Variants in FHIT observed in about 807,000 individuals in gnomAD.
The protein encoded by FHIT is bis(5'-adenosyl)-triphosphatase.
In FHIT, 19 loss-of-function variants were observed where a neutral mutation model predicts 17.9. That is an observed-to-expected ratio of 1.06 (90% CI 0.74 to 1.56). The LOEUF (loss-of-function observed/expected upper bound fraction) is 1.56. Among genes scored for constraint, FHIT ranks in the 40% most tolerant of loss-of-function variants. The pLI is 0.00. For missense variants in FHIT, 248 were observed against 189.2 expected, an observed-to-expected ratio of 1.31 and a Z score of -1.82; for synonymous variants, 81 against 69.7, an observed-to-expected ratio of 1.16 and a Z score of -0.81.
At position 59,959,481 on chromosome 3, in the gene FHIT, C is replaced by G. The variant is rs550144861; in HGVS notation, c.280-37067G>C. 1.4e-4 allele frequency among the ~76,000 whole-genome samples: 22 copies of G among 152,300 alleles called. No homozygotes were observed. The East Asian group carries it at 4.2e-3, about 29-fold the overall frequency. ...TGTTCTTAATGATTTAGGATACCAGCTCACAACTCAAAGCATGAAGCATGT... is the reference window on the plus strand; with the variant it reads ...TGTTCTTAATGATTTAGGATACCAGGTCACAACTCAAAGCATGAAGCATGT... On this transcript the variant is annotated intron_variant, in intron 7 of 9. Coordinates refer to ENST00000492590, the MANE Select transcript of FHIT (RefSeq NM_002012.4).
chr3:60,627,771 C>A (rs2039331549), intron 4 of FHIT, among the ~76,000 whole-genome samples: 1 of 152,232 alleles, frequency 6.6e-6, no homozygotes, highest in Non-Finnish European at 1.5e-5. Context: ...ATCCGCCCAC[C>A]TCAGCCTCCC....
chr3:60,641,492 A>G (rs191092410), intron 4 of FHIT, among the ~76,000 whole-genome samples: 98 of 152,296 alleles, frequency 6.4e-4, no homozygotes, highest in African/African-American at 2.2e-3. Context: ...TTGCATGGCA[A>G]GAATTTTCTC....
intron 8 of FHIT, among the ~76,000 whole-genome samples, chr3:59,913,649 T>C (rs1307600905): frequency 1.3e-5 from 2 of 152,312 alleles, no homozygotes; most frequent in Non-Finnish European, 2.9e-5. Context: ...AATTGTATTA[T>C]ATTATTATTT....
At chr3:61,101,156 A>G (rs1009495183) in intron 2 of FHIT, among the ~76,000 whole-genome samples, 3 of 152,216 alleles carry the variant, frequency 2.0e-5, no homozygotes, top group African/African-American at 7.2e-5. Context: ...CCTGAATACT[A>G]TCGCCTAGGT....
intron 5 of FHIT, among the ~76,000 whole-genome samples, chr3:60,406,397 C>G (rs199589063): frequency 6.6e-6 from 1 of 152,290 alleles, no homozygotes; most frequent in East Asian, 1.9e-4. Context: ...TACAATCAAA[C>G]AAGGCGTGGC....
intron 4 of FHIT, among the ~76,000 whole-genome samples, chr3:60,580,036 TGTTTTTC>T (rs2037702329): frequency 1.3e-5 from 2 of 152,138 alleles, no homozygotes; most frequent in African/African-American, 4.8e-5. Flanking sequence ...ACTAGGATGG[TGTTTTTC>T]ATGTCTGCAC....
At chr3:60,167,273 A>G (rs1031392743) in intron 5 of FHIT, among the ~76,000 whole-genome samples, 9 of 152,242 alleles carry the variant, frequency 5.9e-5, no homozygotes, top group Non-Finnish European at 1.2e-4. Context: ...CTGGAACAAT[A>G]GAAGTATGAT....
rs1235185486 is a variant in FHIT, at chr3:60,569,740, TATATATATATATATA to T, written c.-17-32776_-17-32762del. On this transcript the variant is annotated intron_variant, in intron 4 of 9. Coordinates refer to ENST00000492590, the MANE Select transcript of FHIT (RefSeq NM_002012.4). ...TTTATTAATACTATATATATATATA[TATATATATATATATA>T]TTTTTTTTTTTTTTAGACAGAGTTT... 9.8e-4 allele frequency among the ~76,000 whole-genome samples: 82 copies of T among 83,474 alleles called. 1 individual carries two copies. Among genetic ancestry groups the T allele is most frequent in the Non-Finnish European group, 1.5e-3 (68 of 44,622 alleles). The allele number at this position is 83,474 out of a possible 152,430, so 54.8% of individuals were successfully genotyped here.
intron 3 of FHIT, among the ~76,000 whole-genome samples, chr3:61,027,301 G>C (rs1575863783): frequency 6.6e-6 from 1 of 152,116 alleles, no homozygotes; most frequent in South Asian, 2.1e-4. Flanking sequence ...TGGCCAGGCT[G>C]GTCTCGAACT....
chr3:60,883,569 T>C (rs984126424), intron 3 of FHIT, among the ~76,000 whole-genome samples: 2 of 152,034 alleles, frequency 1.3e-5, no homozygotes, highest in African/African-American at 2.4e-5. Context: ...CCTTTAATTA[T>C]AGCAAACTGA....
intron 1 of FHIT, among the ~76,000 whole-genome samples, chr3:61,234,092 G>C (rs2040170477): frequency 6.6e-6 from 1 of 152,188 alleles, no homozygotes; most frequent in Non-Finnish European, 1.5e-5. Flanking sequence ...AGAAACTGAA[G>C]ACTGATGTGG....
At chr3:59,808,196 T>C (rs545931153) in intron 8 of FHIT, among the ~76,000 whole-genome samples, 2 of 152,298 alleles carry the variant, frequency 1.3e-5, no homozygotes, top group African/African-American at 2.4e-5. Flanking sequence ...TGGCCTTTAG[T>C]GTCTGGGGAA....
intron 3 of FHIT, among the ~76,000 whole-genome samples, chr3:60,827,182 A>T (rs1183810087): frequency 1.3e-5 from 2 of 152,210 alleles, no homozygotes; most frequent in Non-Finnish European, 2.9e-5. Flanking sequence ...GTTTGCAGGA[A>T]AGTTCAGTAA....
At chr3:60,186,025 G>C (rs954747178) in intron 5 of FHIT, among the ~76,000 whole-genome samples, 3 of 152,108 alleles carry the variant, frequency 2.0e-5, no homozygotes, top group African/African-American at 7.2e-5. Flanking sequence ...TGAGTTGTAA[G>C]GGTTCTTTCT....
At position 60,309,906 on chromosome 3, in the gene FHIT, T is replaced by C. The variant is rs1473048916; in HGVS notation, c.103+226954A>G. On this transcript the variant is annotated intron_variant, in intron 5 of 9. Coordinates refer to ENST00000492590, the MANE Select transcript of FHIT (RefSeq NM_002012.4). Reference sequence around the variant, plus strand: ...ACTACATATTACTTACTATAATTTTTAAAATATACTTAATCACACGTGCTT... The same window carrying C: ...ACTACATATTACTTACTATAATTTTCAAAATATACTTAATCACACGTGCTT... 3.9e-5 allele frequency among the ~76,000 whole-genome samples: 6 copies of C among 152,144 alleles called. No homozygotes were observed. The East Asian group carries it at 1.2e-3, about 29-fold the overall frequency.
chr3:60,318,575 C>G (rs1290821071), intron 5 of FHIT, among the ~76,000 whole-genome samples: 1 of 152,194 alleles, frequency 6.6e-6, no homozygotes, highest in Non-Finnish European at 1.5e-5. Context: ...TAAACCTCAT[C>G]AGAGGGGTCA....
chr3:59,908,003 T>G (rs1030964455), intron 8 of FHIT, among the ~76,000 whole-genome samples: 19 of 152,232 alleles, frequency 1.2e-4, no homozygotes, highest in African/African-American at 4.6e-4. Context: ...TGTGATTATA[T>G]TGAGTCCACT....
At chr3:60,070,570 G>T (rs936214736) in intron 5 of FHIT, among the ~76,000 whole-genome samples, 3 of 150,814 alleles carry the variant, frequency 2.0e-5, no homozygotes, top group African/African-American at 7.4e-5. Context: ...GTAGATTAGG[G>T]AAGACAAACA....
chr3:61,177,560 T>C (rs1445185422), intron 2 of FHIT, among the ~76,000 whole-genome samples: 1 of 152,212 alleles, frequency 6.6e-6, no homozygotes, highest in African/African-American at 2.4e-5. Context: ...CCTGCAGAAC[T>C]TTTGGCTCTC....
Sources: gnomAD v4.1 joint callset for allele counts (sites outside exome capture counted in the v4.1 genomes callset) on GRCh38, gnomAD v4.1.1 for gene constraint, MANE v1.5 for transcripts, NCBI Gene and HGNC (gene_info 2026-07-23, HGNC 2026-07-21) for gene names.